HSPA12A: variants seen among roughly 807,000 people sequenced by gnomAD.
The protein encoded by HSPA12A is heat shock protein family A (Hsp70) member 12A, also known as heat shock 70 kDa protein 12A.
HSPA12A carries 28 observed loss-of-function variants against 69.2 expected under a neutral mutation model. The ratio of observed to expected loss-of-function variants is 0.40; its 90% confidence interval spans 0.30 to 0.55. The LOEUF is 0.55. Among genes scored for constraint, HSPA12A ranks in the 20% least tolerant of loss-of-function variants. HSPA12A has a pLI of 0.38. For synonymous variants in HSPA12A, 345 were observed against 370.5 expected (o/e 0.93, Z 0.79); for missense variants, 686 against 900.7 (o/e 0.76, Z 3.05).
chr10:116,742,502 C>T lies in HSPA12A; in HGVS notation c.-33G>A, dbSNP rs1362564212. 98 of 1,284,376 alleles carry T rather than the reference C, an allele frequency of 7.6e-5. No homozygotes were observed. The highest frequency in any genetic ancestry group is 9.1e-5 in the Non-Finnish European group (92 of 1,015,488). 79.6% of individuals were successfully genotyped at this position (1,284,376 alleles called of 1,614,324 possible). A position where few individuals can be genotyped will look rare whatever the true frequency, so the allele number is the denominator to read the frequency against. ...CAGCCCCGGACCGCGAGGGGAGCCT[C>T]CAGCGCAGCGCCCGTGCCCGTGCGG... is the stretch of plus-strand genomic sequence containing the variant. On this transcript the variant is annotated 5_prime_UTR_variant, in exon 1 of 12. Transcript: ENST00000369209.
chr10:116,766,965 C>T (rs76340858), intron 2 of HSPA12A, among the ~76,000 whole-genome samples: 1,782 of 152,252 alleles, frequency 0.012, 35 homozygotes, highest in African/African-American at 0.041. Context: ...CCAAGCCCAT[C>T]GCGGAGGGGA....
intron 2 of HSPA12A, among the ~76,000 whole-genome samples, chr10:116,804,455 G>T (rs1227361960): frequency 6.6e-6 from 1 of 152,042 alleles, no homozygotes; most frequent in Non-Finnish European, 1.5e-5. Context: ...CCTTCATCCT[G>T]TAGCGGGTAT....
chr10:116,784,642 C>T (rs1281779291), intron 2 of HSPA12A, among the ~76,000 whole-genome samples: 6 of 152,218 alleles, frequency 3.9e-5, no homozygotes, highest in African/African-American at 1.4e-4. Flanking sequence ...GTCTGCCTAG[C>T]GTCCCTTTAG....
Position 116,675,818 on chromosome 10 carries a change from T to C in HSPA12A, c.1391-400A>G, listed in dbSNP as rs1849221640. Among the ~76,000 whole-genome samples, 1 of 152,184 alleles carries C rather than the reference T, an allele frequency of 6.6e-6. No individual in the cohort carries two copies. The highest frequency in any genetic ancestry group is 6.5e-5 in the Admixed American group (1 of 15,286). The stretch of plus-strand genomic sequence containing the variant: ...CCCATTCCACTCCTAGAGAGTCTGA[T>C]TTGGTAGGCGGGGGACAGGATACTG... On this transcript the variant is annotated intron_variant, in intron 11 of 11. Transcript: ENST00000369209. The surrounding 1 kb of genome is among the most constrained non-coding windows in gnomAD (Gnocchi z 5.2).
intron 1 of HSPA12A, among the ~76,000 whole-genome samples, chr10:116,720,978 C>T (rs782683726): frequency 2.0e-5 from 3 of 152,160 alleles, no homozygotes; most frequent in Non-Finnish European, 2.9e-5. Context: ...AACAGGCAGC[C>T]GCAGCACAGA....
At chr10:116,728,367 C>T (rs1471246716) in intron 1 of HSPA12A, among the ~76,000 whole-genome samples, 3 of 152,130 alleles carry the variant, frequency 2.0e-5, no homozygotes, top group Admixed American at 2.0e-4. Flanking sequence ...GTAACTCCAT[C>T]GTAAGTCAAG....
intron 2 of HSPA12A, chr10:116,750,040 C>T: frequency 3.6e-6 from 1 of 277,794 alleles, no homozygotes; most frequent in Non-Finnish European, 6.9e-6. Context: ...ACAACATGCC[C>T]AAATACAGGA....
chr10:116,701,164 C>G (rs1850068532), intron 3 of HSPA12A, 35 bp from the exon 4 acceptor site: 1 of 1,598,894 alleles, frequency 6.3e-7, no homozygotes, highest in East Asian at 2.2e-5. Flanking sequence ...ATGGGGCCTT[C>G]TTTCAAAATC....
At chr10:116,831,596 A>T (rs773235004) in intron 2 of HSPA12A, 1 of 152,218 alleles carries the variant, frequency 6.6e-6, no homozygotes, top group South Asian at 2.1e-4. Flanking sequence ...TCAACTGAAC[A>T]TAATTTCACC....
chr10:116,745,245 A>G (rs977592795), upstream of HSPA12A, among the ~76,000 whole-genome samples: 14 of 152,220 alleles, frequency 9.2e-5, no homozygotes, highest in East Asian at 2.7e-3. Flanking sequence ...TAAATCCTTG[A>G]TGCTTGACTG....
At chr10:116,700,582 T>G (rs1372556557) in intron 4 of HSPA12A, among the ~76,000 whole-genome samples, 1 of 152,170 alleles carries the variant, frequency 6.6e-6, no homozygotes, top group Non-Finnish European at 1.5e-5. Flanking sequence ...CATGATACAC[T>G]GATCTCTCAA....
chr10:116,793,596 A>G (rs1035135601), intron 2 of HSPA12A, among the ~76,000 whole-genome samples: 1 of 148,282 alleles, frequency 6.7e-6, no homozygotes, highest in African/African-American at 2.5e-5. Flanking sequence ...ACAAACAAAA[A>G]AAACCCACAG....
chr10:116,771,280 G>A (rs997758489), intron 2 of HSPA12A, among the ~76,000 whole-genome samples: 3 of 152,210 alleles, frequency 2.0e-5, no homozygotes, highest in East Asian at 1.9e-4. Context: ...AAGGACACTC[G>A]CTGGGAGCTG....
chr10:116,769,745 TG>T (rs2133114463), intron 2 of HSPA12A, among the ~76,000 whole-genome samples: 1 of 152,336 alleles, frequency 6.6e-6, no homozygotes, highest in South Asian at 2.1e-4. Flanking sequence ...CTCCTGGAGA[TG>T]CACGAAGCAG....
At chr10:116,842,889 A>G (rs1845826064) in intron 1 of HSPA12A, among the ~76,000 whole-genome samples, 1 of 152,188 alleles carries the variant, frequency 6.6e-6, no homozygotes, top group South Asian at 2.1e-4. Flanking sequence ...CACCACACCC[A>G]GCCAGCCAAA....
rs184363870 is a variant in HSPA12A, at chr10:116,741,465, C to A, written c.40+965G>T. Among the ~76,000 whole-genome samples, 1,153 of 152,348 alleles carry A rather than the reference C, an allele frequency of 7.6e-3. 13 individuals are homozygous for A. Among genetic ancestry groups the A allele is most frequent in the African/African-American group, 0.026 (1,090 of 41,572 alleles). On this transcript the variant is annotated intron_variant, in intron 1 of 11. Coordinates refer to ENST00000369209, the MANE Select transcript of HSPA12A (RefSeq NM_025015.3). ...TCGCTCCCGGGAAAGATGCCTGGGC[C>A]GCGCTCCTCTCCCCGGCGGCCGCTC...
intron 2 of HSPA12A, among the ~76,000 whole-genome samples, chr10:116,771,976 G>A (rs536393324): frequency 3.3e-5 from 5 of 152,314 alleles, no homozygotes; most frequent in Non-Finnish European, 7.3e-5. Context: ...AGTCCCCACC[G>A]TATTTCCCAT....
chr10:116,735,638 AC>A lies in HSPA12A; in HGVS notation c.40+6791del, dbSNP rs1176608151. ...TCAGAGTGTTGCAGTCACATAAGTG[AC>A]CACAGGGAAGACCACCAAAACAACC... On this transcript the variant is annotated intron_variant, in intron 1 of 11. Coordinates refer to ENST00000369209, the MANE Select transcript of HSPA12A (RefSeq NM_025015.3). Among the ~76,000 whole-genome samples the A allele has an allele frequency of 2.0e-4, 30 of 152,220 alleles. No homozygotes were observed. In the East Asian group the frequency reaches 5.6e-3, roughly 28 times the overall value.
At chr10:116,726,025 A>ACACG (rs1554884977) in intron 1 of HSPA12A, among the ~76,000 whole-genome samples, 1 of 67,852 alleles carries the variant, frequency 1.5e-5, no homozygotes, top group African/African-American at 4.9e-5. Flanking sequence ...ACACACACAC[A>ACACG]CGCACACACA....
Sources: allele counts gnomAD v4.1 joint callset (sites outside exome capture counted in the v4.1 genomes callset), GRCh38; gene constraint gnomAD v4.1.1; non-coding constraint Gnocchi (gnomAD v3.1); transcripts MANE v1.5; gene names NCBI Gene and HGNC (gene_info 2026-07-23, HGNC 2026-07-21).